LGSN: variants seen among roughly 807,000 people sequenced by gnomAD.
The protein encoded by LGSN is lengsin.
In LGSN, 21 loss-of-function variants were observed where a neutral mutation model predicts 19.5. The observed-to-expected ratio is 1.07, with a 90% CI of 0.76 to 1.55. The LOEUF (loss-of-function observed/expected upper bound fraction) is 1.55. LGSN is among the 40% of genes most tolerant of loss of function. The pLI is 0.00. For missense variants in LGSN, 673 were observed against 608.5 expected (o/e 1.11, Z -1.12); for synonymous variants, 257 against 215.6 (o/e 1.19, Z -1.68).
At chr6:63,550,991 A>G in the LGSN span, among the ~76,000 whole-genome samples, 24 of 152,152 alleles carry the variant, frequency 1.6e-4, no homozygotes, top group South Asian at 4.6e-3. Flanking sequence ...CATGACCATA[A>G]TTACCTGGAC....
At chr6:63,405,883 T>C in the LGSN span, among the ~76,000 whole-genome samples, 1 of 152,090 alleles carries the variant, frequency 6.6e-6, no homozygotes. Context: ...AATCCTAGTC[T>C]CTGATAAAAC....
chr6:63,501,940 C>T, the LGSN span, among the ~76,000 whole-genome samples: 1 of 152,172 alleles, frequency 6.6e-6, no homozygotes, highest in Non-Finnish European at 1.5e-5. Context: ...GGACTATAGG[C>T]ACACACCACC....
At chr6:63,563,622 C>T in the LGSN span, among the ~76,000 whole-genome samples, 12 of 152,258 alleles carry the variant, frequency 7.9e-5, no homozygotes, top group African/African-American at 2.9e-4. Context: ...ATATAAATTT[C>T]ATTGGGGCAG....
At chr6:63,493,871 T>G in the LGSN span, among the ~76,000 whole-genome samples, 1 of 152,198 alleles carries the variant, frequency 6.6e-6, no homozygotes, top group Admixed American at 6.5e-5. Context: ...TTTCAAAAGT[T>G]GATTCAATTT....
At chr6:63,505,577 GAA>G in the LGSN span, among the ~76,000 whole-genome samples, 716 of 18,166 alleles carry the variant, frequency 0.039, 109 homozygotes, top group African/African-American at 0.13. Context: ...AAGAAAGAAA[GAA>G]AGAAAGAAAG....
At chr6:63,340,892 G>A in the LGSN span, among the ~76,000 whole-genome samples, 2 of 151,634 alleles carry the variant, frequency 1.3e-5, no homozygotes, top group African/African-American at 4.9e-5. Context: ...CTGCACACCT[G>A]ATATAACAGT....
At chr6:63,527,857 C>T in the LGSN span, 1 of 152,218 alleles carries the variant, frequency 6.6e-6, no homozygotes, top group African/African-American at 2.4e-5. Flanking sequence ...GAAAGGGTGA[C>T]TCATAATTCC....
chr6:63,301,668 A>C (rs901584715), intron 1 of LGSN, among the ~76,000 whole-genome samples: 1 of 152,162 alleles, frequency 6.6e-6, no homozygotes, highest in Non-Finnish European at 1.5e-5. Flanking sequence ...GGAAAAAAGT[A>C]AAATTCTGTT....
chr6:63,343,482 T>G, the LGSN span, among the ~76,000 whole-genome samples: 3 of 152,202 alleles, frequency 2.0e-5, no homozygotes, highest in Non-Finnish European at 4.4e-5. Context: ...TACCCTTAGT[T>G]GCTTCCCTGT....
the LGSN span, among the ~76,000 whole-genome samples, chr6:63,332,417 C>G: frequency 6.6e-6 from 1 of 152,058 alleles, no homozygotes; most frequent in Non-Finnish European, 1.5e-5. Flanking sequence ...GGCGACATGC[C>G]TTTGAGAGTT....
the LGSN span, among the ~76,000 whole-genome samples, chr6:63,434,020 T>C: frequency 1.3e-5 from 2 of 152,164 alleles, no homozygotes; most frequent in African/African-American, 2.4e-5. Context: ...AAACAAAGGC[T>C]GGTGCATCTC....
the LGSN span, among the ~76,000 whole-genome samples, chr6:63,508,788 G>T: frequency 3.3e-5 from 5 of 151,608 alleles, no homozygotes; most frequent in Admixed American, 1.3e-4. Flanking sequence ...GCGTGGTGGT[G>T]CATGCCTGTA....
At chr6:63,415,726 C>T in the LGSN span, among the ~76,000 whole-genome samples, 1 of 152,210 alleles carries the variant, frequency 6.6e-6, no homozygotes, top group Non-Finnish European at 1.5e-5. Flanking sequence ...AGAGCGACTT[C>T]CACTGCCTAA....
At chr6:63,513,241 G>A in the LGSN span, among the ~76,000 whole-genome samples, 23 of 152,020 alleles carry the variant, frequency 1.5e-4, no homozygotes, top group South Asian at 1.2e-3. Flanking sequence ...TCTTATTATT[G>A]TCCCTTTTGC....
intron 1 of LGSN, among the ~76,000 whole-genome samples, chr6:63,297,104 G>A (rs371653974): frequency 9.9e-5 from 15 of 152,192 alleles, no homozygotes; most frequent in African/African-American, 3.6e-4. Context: ...CACTTTGAGA[G>A]GCCAAGGCGG....
chr6:63,528,284 C>T, the LGSN span, among the ~76,000 whole-genome samples: 38 of 152,170 alleles, frequency 2.5e-4, no homozygotes, highest in African/African-American at 9.2e-4. Flanking sequence ...ATATTTTCTG[C>T]TCCCATTGGG....
the LGSN span, among the ~76,000 whole-genome samples, chr6:63,367,192 C>G: frequency 6.6e-6 from 1 of 152,212 alleles, no homozygotes; most frequent in Admixed American, 6.5e-5. Flanking sequence ...ATCTACTCAT[C>G]TGACAAAGGG....
At chr6:63,298,682 C>A (rs1404086032) in intron 1 of LGSN, among the ~76,000 whole-genome samples, 1 of 152,112 alleles carries the variant, frequency 6.6e-6, no homozygotes, top group Non-Finnish European at 1.5e-5. Flanking sequence ...GTCCCACAAG[C>A]TGCAAGTACT....
the LGSN span, among the ~76,000 whole-genome samples, chr6:63,457,564 T>G: frequency 9.9e-5 from 15 of 152,052 alleles, no homozygotes; most frequent in African/African-American, 3.6e-4. Context: ...GGTATTTTTC[T>G]ATCTGGAATT....
Sources: gnomAD v4.1 joint callset for allele counts (sites outside exome capture counted in the v4.1 genomes callset) on GRCh38, gnomAD v4.1.1 for gene constraint, MANE v1.5 for transcripts, NCBI Gene and HGNC (gene_info 2026-07-23, HGNC 2026-07-21) for gene names.